Variants in ULK2 observed in about 807,000 individuals in gnomAD.
ULK2 encodes the protein unc-51 like autophagy activating kinase 2.
A neutral mutation model predicts 127.5 loss-of-function variants in ULK2; 76 were observed. That is an observed-to-expected ratio of 0.60 (90% CI 0.50 to 0.72). The LOEUF is 0.72. Among genes scored for constraint, ULK2 ranks in the 30% least tolerant of loss-of-function variants. The pLI is 0.00. For missense variants in ULK2, 1,144 were observed against 1,295.9 expected (o/e 0.88, Z 1.80); for synonymous variants, 452 against 461.9 (o/e 0.98, Z 0.28).
At chr17:19,840,819 G>T (rs192598121) in intron 9 of ULK2, among the ~76,000 whole-genome samples, 46 of 152,054 alleles carry the variant, frequency 3.0e-4, no homozygotes, top group Admixed American at 9.2e-4. Flanking sequence ...AACTCGGGAG[G>T]GGGAGGCTGC....
Position 19,825,757 on chromosome 17 carries a change from C to T in ULK2, c.835+382G>A, listed in dbSNP as rs534080396. 1.1e-3 allele frequency among the ~76,000 whole-genome samples: 161 copies of T among 151,274 alleles called. 1 individual carries two copies. Among genetic ancestry groups the T allele is most frequent in the African/African-American group, 3.8e-3 (156 of 41,222 alleles). ...ATTCCAGCACTTTGTGGGGCTGAGG[C>T]GGGTGGATCACCTGAGGTCCGGAGT... On this transcript the variant is annotated intron_variant, in intron 11 of 26. Transcript: ENST00000395544.
At chr17:19,812,134 T>C (rs157408) in intron 13 of ULK2, among the ~76,000 whole-genome samples, 146,276 of 152,256 alleles carry the variant, frequency 0.96, 70,458 homozygotes, top group African/African-American at 0.99. Context: ...CCAAAATGCT[T>C]AGTAATCAGC....
At chr17:19,799,351 C>T (rs1268602796) in intron 17 of ULK2, 144 bp downstream of exon 17, 5 of 609,022 alleles carry the variant, frequency 8.2e-6, no homozygotes, top group Non-Finnish European at 1.3e-5. Flanking sequence ...CATATTAAAC[C>T]ACATTAGACC....
At chr17:19,786,661 C>T (rs1294380059) in intron 20 of ULK2, among the ~76,000 whole-genome samples, 2 of 150,742 alleles carry the variant, frequency 1.3e-5, no homozygotes. Context: ...TTGCAGTGAG[C>T]TGAGATCATG....
intron 10 of ULK2, among the ~76,000 whole-genome samples, chr17:19,833,107 A>G (rs1434224494): frequency 7.1e-6 from 1 of 140,142 alleles, no homozygotes; most frequent in Non-Finnish European, 1.5e-5. Flanking sequence ...TGGGCGACAC[A>G]GTAAGACTTT....
At chr17:19,825,934 C>T (rs2041278815) in intron 11 of ULK2, among the ~76,000 whole-genome samples, 1 of 145,172 alleles carries the variant, frequency 6.9e-6, no homozygotes, top group Non-Finnish European at 1.5e-5. Context: ...TGCTGTGAGC[C>T]GAGATCACGC....
chr17:19,814,404 T>TATATACATA (rs2040915396), intron 13 of ULK2, among the ~76,000 whole-genome samples: 28 of 127,624 alleles, frequency 2.2e-4, no homozygotes, highest in African/African-American at 8.9e-4. Context: ...ATGTCTGTTA[T>TATATACATA]TATATACATA....
chr17:19,867,690 C>T lies in ULK2; in HGVS notation c.-273G>A, dbSNP rs1048316321. On this transcript the variant is annotated 5_prime_UTR_variant, in exon 1 of 27. Transcript: ENST00000395544. ...TGGCTGTCTGGCGAAGCGGCCTCGG[C>T]GCTGCCGGGCCAGGGGTGCCGTCAC... The T allele has an allele frequency of 1.5e-4, 30 of 203,278 alleles. No individual in the cohort carries two copies. The highest frequency in any genetic ancestry group is 3.9e-5 in the Non-Finnish European group (4 of 102,612). 12.6% of individuals were successfully genotyped at this position (203,278 alleles called of 1,614,324 possible). A position where few individuals can be genotyped will look rare whatever the true frequency, so the allele number is the denominator to read the frequency against.
intron 21 of ULK2, among the ~76,000 whole-genome samples, chr17:19,784,732 C>T (rs1290268550): frequency 1.3e-5 from 2 of 151,582 alleles, no homozygotes; most frequent in Non-Finnish European, 2.9e-5. Context: ...CACCATGTTG[C>T]CCAGGCTGGT....
At chr17:19,801,692 C>T in intron 16 of ULK2, 85 bp downstream of exon 16, 2 of 1,580,882 alleles carry the variant, frequency 1.3e-6, no homozygotes, top group African/African-American at 1.4e-5. Context: ...CCATCATGAG[C>T]CGAAGTTCCT....
chr17:19,783,893 T>C lies in ULK2; in HGVS notation c.2264A>G (p.Asn755Ser). 1 of 1,518,900 alleles carries C rather than the reference T, an allele frequency of 6.6e-7. No homozygotes were observed. The highest frequency in any genetic ancestry group is 8.8e-7 in the Non-Finnish European group (1 of 1,132,322). The allele number at this position is 1,518,900 out of a possible 1,614,324, so 94.1% of individuals were successfully genotyped here. A position where few individuals can be genotyped will look rare whatever the true frequency, so the allele number is the denominator to read the frequency against. ...RTRTTSVGPS[N>S]SGGSLCAMSG... Reference sequence around the variant, plus strand: ...CATGGCACAAAGAGAGCCCCCGGAGTTGCTGGGCCCCACTACAAGGAAACA... The same window carrying C: ...CATGGCACAAAGAGAGCCCCCGGAGCTGCTGGGCCCCACTACAAGGAAACA... Residue 755 changes from asparagine to serine, a missense_variant, in exon 22 of 27, where the codon AAC becomes AGC. By Grantham distance (46) the Asn-to-Ser change is conservative (BLOSUM62 1). This residue lies in a region of ULK2 where 913 missense variants were observed against 970.5 expected (regional missense o/e 0.94). Coordinates refer to ENST00000395544, the MANE Select transcript of ULK2 (RefSeq NM_014683.4).
In ULK2 at chr17:19,801,933, A is replaced by C. The variant is rs2087410453; in HGVS notation, c.1296-11T>G. The C allele has an allele frequency of 6.3e-7, 1 of 1,582,996 alleles. No homozygotes were observed. Among genetic ancestry groups the C allele is most frequent in the South Asian group, 1.2e-5 (1 of 86,500 alleles). ...CGTACCACTGCAGATCTGAAAAGTA[A>C]ATTATTCCTTCTATAAAAGGTTCTA... On this transcript the variant is annotated splice_polypyrimidine_tract_variant and intron_variant, in intron 15 of 26. Coordinates refer to ENST00000395544, the MANE Select transcript of ULK2 (RefSeq NM_014683.4).
chr17:19,800,818 C>CTCAGT (rs1460255091), intron 16 of ULK2, among the ~76,000 whole-genome samples: 1 of 152,178 alleles, frequency 6.6e-6, no homozygotes, highest in Non-Finnish European at 1.5e-5. Context: ...TTCCCACCAC[C>CTCAGT]TCAGTGCTGC....
chr17:19,794,389 A>T (rs1036698101), intron 20 of ULK2, among the ~76,000 whole-genome samples: 5 of 152,162 alleles, frequency 3.3e-5, no homozygotes, highest in African/African-American at 1.2e-4. Flanking sequence ...AAAAACTTCC[A>T]AAATTAATGA....
At chr17:19,839,182 A>C (rs1423820054) in intron 9 of ULK2, among the ~76,000 whole-genome samples, 2 of 152,192 alleles carry the variant, frequency 1.3e-5, no homozygotes, top group Non-Finnish European at 2.9e-5. Context: ...GCATAGCTTC[A>C]ATCTTGCACT....
chr17:19,775,337 G>C lies in ULK2; in HGVS notation c.*1012C>G, dbSNP rs1193274068. 1.3e-5 allele frequency: 2 copies of C among 152,512 alleles called. No individual in the cohort carries two copies. Among genetic ancestry groups the C allele is most frequent in the African/African-American group, 2.4e-5 (1 of 41,410 alleles). The allele number at this position is 152,512 out of a possible 1,614,324, so 9.4% of individuals were successfully genotyped here. The stretch of plus-strand genomic sequence containing the variant: ...CTTCATTTTCCACTCACTGCATGTA[G>C]GAACTCCACATCACTAACAAGCCTT... On this transcript the variant is annotated 3_prime_UTR_variant, in exon 27 of 27. Transcript: ENST00000395544.
At chr17:19,830,788 G>A (rs996669183) in intron 10 of ULK2, among the ~76,000 whole-genome samples, 1 of 152,108 alleles carries the variant, frequency 6.6e-6, no homozygotes, top group African/African-American at 2.4e-5. Context: ...AGCACTTTGG[G>A]AGCCCCAGGC....
intron 10 of ULK2, among the ~76,000 whole-genome samples, chr17:19,834,386 T>C (rs889730351): frequency 1.4e-4 from 22 of 152,058 alleles, no homozygotes; most frequent in Non-Finnish European, 2.5e-4. Context: ...AGGACAACTG[T>C]ATAAAATAAT....
Position 19,799,547 on chromosome 17 carries a change from C to T in ULK2, c.1470G>A (p.Gln490=), listed in dbSNP as rs555058660. Residue 490 remains glutamine, a synonymous_variant, in exon 17 of 27, where the codon CAG becomes CAA. Transcript: ENST00000395544. ...GGCCCTGAGGATGCCCACAGCAGCA[C>T]TGACTGAATTGCTCAGGAATGGTAC... The part of the protein sequence containing the change: ...LVGTIPEQFS[Q]CCCGHPQGHD... 328 of 1,555,602 alleles carry T rather than the reference C, an allele frequency of 2.1e-4. 3 individuals are homozygous for T. In the South Asian group the frequency reaches 3.6e-3, roughly 17 times the overall value.
Sources: gnomAD v4.1 joint callset for allele counts (sites outside exome capture counted in the v4.1 genomes callset) on GRCh38, gnomAD v4.1.1 for gene constraint, gnomAD v4.1.1 regional missense constraint, MANE v1.5 for transcripts, NCBI Gene and HGNC (gene_info 2026-07-23, HGNC 2026-07-21) for gene names.